The following SRBD1 variants were observed in gnomAD, a reference collection of about 807,000 sequenced individuals.
The protein encoded by SRBD1 is S1 RNA binding domain 1.
Under a neutral mutation model 115.3 loss-of-function variants are expected in SRBD1, and 88 were observed. The observed-to-expected ratio is 0.76, with a 90% CI of 0.64 to 0.91. The LOEUF (loss-of-function observed/expected upper bound fraction) is 0.91. SRBD1 is among the 40% of genes least tolerant of loss of function. The probability of loss-of-function intolerance (pLI) is 0.00; values close to 1 mark genes in which losing one functional copy is unlikely to be tolerated. For synonymous variants in SRBD1, 509 were observed against 407.7 expected (o/e 1.25, Z -2.99); for missense variants, 1,385 against 1,177.4 (o/e 1.18, Z -2.58).
At chr2:45,422,470 T>C (rs1668034231) in intron 16 of SRBD1, among the ~76,000 whole-genome samples, 1 of 152,184 alleles carries the variant, frequency 6.6e-6, no homozygotes, top group African/African-American at 2.4e-5. Context: ...AAATCAGTGA[T>C]TTGCCACCGG....
Sources: allele counts gnomAD v4.1 joint callset (sites outside exome capture counted in the v4.1 genomes callset), GRCh38; gene constraint gnomAD v4.1.1; transcripts MANE v1.5; gene names NCBI Gene and HGNC (gene_info 2026-07-23, HGNC 2026-07-21).